Variants in KCNIP4 observed in about 807,000 individuals in gnomAD.
The protein encoded by KCNIP4 is Kv channel-interacting protein 4.
A neutral mutation model predicts 34.0 loss-of-function variants in KCNIP4; 12 were observed. The observed-to-expected ratio is 0.35, with a 90% CI of 0.23 to 0.57. The LOEUF (loss-of-function observed/expected upper bound fraction) is 0.57. KCNIP4 is among the 20% of genes least tolerant of loss of function. The probability of loss-of-function intolerance (pLI) is 0.83; values close to 1 mark genes in which losing one functional copy is unlikely to be tolerated. For missense variants in KCNIP4, 238 were observed against 311.7 expected (o/e 0.76, Z 1.78); for synonymous variants, 124 against 102.2 (o/e 1.21, Z -1.29).
At chr4:21,476,687 A>C (rs1427329818) in intron 1 of KCNIP4, among the ~76,000 whole-genome samples, 1 of 152,224 alleles carries the variant, frequency 6.6e-6, no homozygotes, top group Non-Finnish European at 1.5e-5. Flanking sequence ...AAGACAAGTT[A>C]ATATGAGTCT....
intron 1 of KCNIP4, among the ~76,000 whole-genome samples, chr4:21,026,634 G>T (rs1003810473): frequency 3.8e-4 from 58 of 152,140 alleles, no homozygotes; most frequent in African/African-American, 1.3e-3. Context: ...AGCCTGGGGG[G>T]ACAGAGCAAG....
chr4:21,264,096 C>CAT (rs1761646958), intron 1 of KCNIP4, among the ~76,000 whole-genome samples: 1 of 96,876 alleles, frequency 1.0e-5, no homozygotes, highest in Non-Finnish European at 2.3e-5. Context: ...TCTTAAACCT[C>CAT]ATCATGCAGC....
At chr4:21,503,261 A>G (rs1733511539) in intron 1 of KCNIP4, among the ~76,000 whole-genome samples, 1 of 152,124 alleles carries the variant, frequency 6.6e-6, no homozygotes, top group Admixed American at 6.6e-5. Context: ...TCTTTTGCCA[A>G]ATTCTCCTAA....
intron 1 of KCNIP4, among the ~76,000 whole-genome samples, chr4:21,869,901 G>C (rs1161834438): frequency 6.6e-6 from 1 of 152,140 alleles, no homozygotes. Flanking sequence ...TGAGGTGTCT[G>C]AGAGATAACC....
intron 1 of KCNIP4, among the ~76,000 whole-genome samples, chr4:21,129,903 G>C (rs916802473): frequency 4.2e-5 from 6 of 143,770 alleles, no homozygotes; most frequent in African/African-American, 1.6e-4. Flanking sequence ...AAAAAAAACA[G>C]TGTGAATGTA....
At chr4:20,745,880 T>C (rs964289863) in intron 5 of KCNIP4, among the ~76,000 whole-genome samples, 18 of 152,128 alleles carry the variant, frequency 1.2e-4, no homozygotes, top group African/African-American at 4.3e-4. Context: ...TACTGGGTAA[T>C]GAGATGACCA....
At chr4:21,064,694 A>G (rs1275684718) in intron 1 of KCNIP4, among the ~76,000 whole-genome samples, 2 of 152,192 alleles carry the variant, frequency 1.3e-5, no homozygotes, top group Non-Finnish European at 2.9e-5. Flanking sequence ...TGTAATAATA[A>G]TTACTTATTG....
intron 1 of KCNIP4, among the ~76,000 whole-genome samples, chr4:21,177,237 G>T (rs3864185): frequency 6.6e-6 from 1 of 151,966 alleles, no homozygotes; most frequent in African/African-American, 2.4e-5. Flanking sequence ...AAAGAGATTT[G>T]CTATATACTC....
chr4:21,158,347 A>G (rs936530947), intron 1 of KCNIP4, among the ~76,000 whole-genome samples: 1 of 151,440 alleles, frequency 6.6e-6, no homozygotes. Context: ...AAGGCGTTAC[A>G]AATAAAAAAA....
At chr4:20,849,979 G>C (rs927148999) in intron 3 of KCNIP4, among the ~76,000 whole-genome samples, 1 of 152,148 alleles carries the variant, frequency 6.6e-6, no homozygotes, top group African/African-American at 2.4e-5. Context: ...CACCCTCTGG[G>C]GTTTTCTGGG....
chr4:21,247,661 TTAGA>T (rs200974594), intron 1 of KCNIP4, among the ~76,000 whole-genome samples: 4 of 117,768 alleles, frequency 3.4e-5, no homozygotes, highest in African/African-American at 2.0e-4. Context: ...ATCTATATAT[TTAGA>T]TATATCTATA....
chr4:21,150,183 C>G (rs112577524), intron 1 of KCNIP4, among the ~76,000 whole-genome samples: 1,858 of 152,210 alleles, frequency 0.012, 20 homozygotes, highest in Non-Finnish European at 0.016. Flanking sequence ...GGATTGGAGC[C>G]AATCTTCTAG....
chr4:21,634,223 CAAAAAAAAA>C (rs376741978), intron 1 of KCNIP4, among the ~76,000 whole-genome samples: 2 of 112,518 alleles, frequency 1.8e-5, no homozygotes, highest in Admixed American at 9.3e-5. Context: ...GTTCTTTCCT[CAAAAAAAAA>C]AAAAAAAAAA....
At chr4:21,907,135 T>C (rs1053303986) in intron 1 of KCNIP4, among the ~76,000 whole-genome samples, 4 of 152,034 alleles carry the variant, frequency 2.6e-5, no homozygotes, top group Non-Finnish European at 4.4e-5. Flanking sequence ...GGAGTGGCAA[T>C]GTTGGCTGGT....
chr4:20,761,720 A>C (rs1000627624), intron 3 of KCNIP4, among the ~76,000 whole-genome samples: 2 of 152,204 alleles, frequency 1.3e-5, no homozygotes, highest in African/African-American at 4.8e-5. Flanking sequence ...TTTGATAGAT[A>C]TAATGTGAAA....
At chr4:20,924,748 T>A (rs2149591104) in intron 1 of KCNIP4, among the ~76,000 whole-genome samples, 1 of 152,304 alleles carries the variant, frequency 6.6e-6, no homozygotes, top group African/African-American at 2.4e-5. Flanking sequence ...ACTTCAAAAT[T>A]AACTTTTAAA....
intron 1 of KCNIP4, among the ~76,000 whole-genome samples, chr4:21,191,596 C>T (rs1389363364): frequency 1.3e-5 from 2 of 152,116 alleles, no homozygotes; most frequent in African/African-American, 4.8e-5. Context: ...GAGCTGAGGT[C>T]CACATTAACC....
At chr4:21,218,159 G>C (rs1271485113) in intron 1 of KCNIP4, among the ~76,000 whole-genome samples, 1 of 151,722 alleles carries the variant, frequency 6.6e-6, no homozygotes, top group Non-Finnish European at 1.5e-5. Context: ...GGAATTACAG[G>C]CACCCGCCAC....
intron 1 of KCNIP4, among the ~76,000 whole-genome samples, chr4:21,423,846 C>T (rs952188524): frequency 2.0e-5 from 3 of 148,614 alleles, no homozygotes; most frequent in South Asian, 2.1e-4. Flanking sequence ...CTCGCTCTGT[C>T]GCCCAGGCTG....
Sources: allele counts gnomAD v4.1 joint callset (sites outside exome capture counted in the v4.1 genomes callset), GRCh38; gene constraint gnomAD v4.1.1; transcripts MANE v1.5; gene names NCBI Gene and HGNC (gene_info 2026-07-23, HGNC 2026-07-21).